FRMD3: variants seen among roughly 807,000 people sequenced by gnomAD.
FRMD3 encodes the protein FERM domain containing 3.
In FRMD3, 33 loss-of-function variants were observed where a neutral mutation model predicts 70.2. That is an observed-to-expected ratio of 0.47 (90% CI 0.36 to 0.63). The LOEUF (loss-of-function observed/expected upper bound fraction) is 0.63, where lower values mean the gene tolerates loss of function less well. Among genes scored for constraint, FRMD3 ranks in the 20% least tolerant of loss-of-function variants. The probability of loss-of-function intolerance (pLI) is 0.00; values close to 1 mark genes in which losing one functional copy is unlikely to be tolerated. For missense variants in FRMD3, 632 were observed against 711.4 expected (o/e 0.89, Z 1.27); for synonymous variants, 279 against 255.9 (o/e 1.09, Z -0.86).
chr9:83,484,047 T>C (rs755642488), intron 1 of FRMD3, among the ~76,000 whole-genome samples: 1 of 152,212 alleles, frequency 6.6e-6, no homozygotes, highest in South Asian at 2.1e-4. Flanking sequence ...AGGAAATTTA[T>C]GATAAAAATT....
chr9:83,510,120 C>T (rs1276054000), intron 1 of FRMD3, among the ~76,000 whole-genome samples: 1 of 152,166 alleles, frequency 6.6e-6, no homozygotes, highest in African/African-American at 2.4e-5. Context: ...CCCAGCCCCG[C>T]AGATGAAAGA....
Position 83,493,091 on chromosome 9 carries a change from C to A in FRMD3, c.147+44994G>T, listed in dbSNP as rs373259527. ...CACTGCCTCTCCCTGTGTCTGTGAA[C>A]ACTCCCCTCCCCAAAAAGCCGCTGA... On this transcript the variant is annotated intron_variant, in intron 1 of 13. Coordinates refer to ENST00000304195, the MANE Select transcript of FRMD3 (RefSeq NM_174938.6). Among the ~76,000 whole-genome samples the A allele has an allele frequency of 3.5e-4, 53 of 152,274 alleles. No homozygotes were observed. The East Asian group carries it at 5.8e-3, about 17-fold the overall frequency.
chr9:83,349,574 A>C, intron 4 of FRMD3, 105 bp downstream of exon 4: 1 of 702,330 alleles, frequency 1.4e-6, no homozygotes. Flanking sequence ...AGCTTGCAAC[A>C]CTGAGACGGT....
chr9:83,477,829 C>G (rs1284281169), intron 1 of FRMD3, among the ~76,000 whole-genome samples: 1 of 152,166 alleles, frequency 6.6e-6, no homozygotes, highest in African/African-American at 2.4e-5. Context: ...TTTCCTCACT[C>G]AGCTTAGACA....
chr9:83,471,660 A>T lies in FRMD3; in HGVS notation c.147+66425T>A, dbSNP rs1186959527. Among the ~76,000 whole-genome samples, 3 of 152,186 alleles carry T rather than the reference A, an allele frequency of 2.0e-5. No homozygotes were observed. The East Asian group carries it at 5.8e-4, about 29-fold the overall frequency. ...GCTAAAAACCAATCATTGCAAATTC[A>T]CCTTGTTCAAAGCTTCTTTTCTGAC... On this transcript the variant is annotated intron_variant, in intron 1 of 13. Transcript: ENST00000304195.
chr9:83,353,253 C>G (rs1322156679), intron 3 of FRMD3, among the ~76,000 whole-genome samples: 1 of 147,670 alleles, frequency 6.8e-6, no homozygotes, highest in African/African-American at 2.5e-5. Context: ...ATGTCTTCAT[C>G]CAGGCCTGAC....
chr9:83,368,442 C>T (rs1228644015), intron 3 of FRMD3, among the ~76,000 whole-genome samples: 4 of 152,108 alleles, frequency 2.6e-5, no homozygotes, highest in Non-Finnish European at 5.9e-5. Flanking sequence ...CGCCATTCTC[C>T]TGCCTCAGCC....
At chr9:83,447,941 C>T (rs961186410) in intron 1 of FRMD3, among the ~76,000 whole-genome samples, 1 of 152,132 alleles carries the variant, frequency 6.6e-6, no homozygotes, top group Non-Finnish European at 1.5e-5. Context: ...TATTAAAATG[C>T]CAATGCATTA....
intron 13 of FRMD3, among the ~76,000 whole-genome samples, chr9:83,263,634 A>G (rs1279201510): frequency 6.6e-6 from 1 of 152,262 alleles, no homozygotes; most frequent in Non-Finnish European, 1.5e-5. Flanking sequence ...GTAAGGCACA[A>G]AACTCTAGTT....
chr9:83,557,043 C>A, the FRMD3 span, among the ~76,000 whole-genome samples: 3 of 151,934 alleles, frequency 2.0e-5, no homozygotes, highest in African/African-American at 7.3e-5. Flanking sequence ...TAAATATTTA[C>A]TTTTTATGCA....
At chr9:83,491,128 T>A (rs942331267) in intron 1 of FRMD3, among the ~76,000 whole-genome samples, 1 of 152,202 alleles carries the variant, frequency 6.6e-6, no homozygotes, top group Admixed American at 6.5e-5. Context: ...TCTCTTTTTC[T>A]GTGTAATACC....
chr9:83,399,203 C>T (rs1825885984), intron 1 of FRMD3, among the ~76,000 whole-genome samples: 2 of 152,224 alleles, frequency 1.3e-5, no homozygotes, highest in Non-Finnish European at 2.9e-5. Context: ...TAAACAGTGT[C>T]TTCTGAAGGA....
chr9:83,574,923 CT>C, the FRMD3 span, among the ~76,000 whole-genome samples: 1 of 152,124 alleles, frequency 6.6e-6, no homozygotes, highest in Admixed American at 6.5e-5. Flanking sequence ...ATGTGATTTT[CT>C]AGCCCAGTCT....
chr9:83,474,061 G>T (rs1488270376), intron 1 of FRMD3, among the ~76,000 whole-genome samples: 1 of 152,164 alleles, frequency 6.6e-6, no homozygotes, highest in African/African-American at 2.4e-5. Flanking sequence ...GCTGTGTACA[G>T]TATGTGCATT....
At chr9:83,293,167 A>C (rs563184240) in intron 12 of FRMD3, among the ~76,000 whole-genome samples, 2 of 152,280 alleles carry the variant, frequency 1.3e-5, no homozygotes, top group South Asian at 2.1e-4. Flanking sequence ...AATCTTTACA[A>C]AAGGAAGGAG....
At chr9:83,379,922 T>C (rs147939338) in intron 2 of FRMD3, among the ~76,000 whole-genome samples, 106 of 152,306 alleles carry the variant, frequency 7.0e-4, no homozygotes, top group African/African-American at 2.5e-3. Flanking sequence ...TACATGACTT[T>C]GCCCAGCATT....
At chr9:83,486,681 T>G (rs1206979577) in intron 1 of FRMD3, among the ~76,000 whole-genome samples, 1 of 152,208 alleles carries the variant, frequency 6.6e-6, no homozygotes, top group Non-Finnish European at 1.5e-5. Context: ...CCTAATTAAA[T>G]TAAACAGCTT....
intron 13 of FRMD3, among the ~76,000 whole-genome samples, chr9:83,283,146 C>G (rs541812973): frequency 1.3e-5 from 2 of 152,298 alleles, no homozygotes; most frequent in East Asian, 3.9e-4. Flanking sequence ...ATCTGCAGAG[C>G]ATGCTCAGGC....
Position 83,372,950 on chromosome 9 carries a change from C to T in FRMD3, c.258G>A (p.Trp86Ter). 6.3e-7 allele frequency: 1 copy of T among 1,597,056 alleles called. No individual in the cohort carries two copies. The highest frequency in any genetic ancestry group is 8.5e-7 in the Non-Finnish European group (1 of 1,175,252). Residue 86 changes from tryptophan to a stop codon, truncating the protein, a stop_gained, in exon 3 of 14, where the codon TGG (tryptophan) becomes TGA (stop). Transcript: ENST00000304195. LOFTEE classifies it high-confidence loss of function. ...TGAAGATGGACTTGTTAGGTTCAAG[C>T]CAGTGCTAGGGAGGAAAAAAAAAAA... ...RYVDPEKQRH[W>*]LEPNKSIFKQ...
Sources: gnomAD v4.1 joint callset for allele counts (sites outside exome capture counted in the v4.1 genomes callset) on GRCh38, gnomAD v4.1.1 for gene constraint, MANE v1.5 for transcripts, NCBI Gene and HGNC (gene_info 2026-07-23, HGNC 2026-07-21) for gene names.